Variants in AGTPBP1 observed in about 807,000 individuals in gnomAD.
AGTPBP1 encodes cytosolic carboxypeptidase 1.
In AGTPBP1, 70 loss-of-function variants were observed where a neutral mutation model predicts 143.9. The ratio of observed to expected loss-of-function variants is 0.49; its 90% CI spans 0.40 to 0.59. The LOEUF is 0.59. Among genes scored for constraint, AGTPBP1 ranks in the 20% least tolerant of loss-of-function variants. The probability of loss-of-function intolerance (pLI) is 0.00; values close to 1 mark genes in which losing one functional copy is unlikely to be tolerated. For synonymous variants in AGTPBP1, 463 were observed against 500.2 expected (o/e 0.93, Z 0.99); for missense variants, 1,229 against 1,464.5 (o/e 0.84, Z 2.62).
At chr9:85,625,946 G>A (rs1831263568) in intron 14 of AGTPBP1, among the ~76,000 whole-genome samples, 2 of 138,994 alleles carry the variant, frequency 1.4e-5, no homozygotes, top group Non-Finnish European at 3.1e-5. Context: ...AAAAACAATG[G>A]AAAGAAAATA....
At chr9:85,603,316 C>T (rs1275103636) in intron 17 of AGTPBP1, among the ~76,000 whole-genome samples, 1 of 152,136 alleles carries the variant, frequency 6.6e-6, no homozygotes, top group Non-Finnish European at 1.5e-5. Flanking sequence ...ACTTGGATAC[C>T]AACTCAGCCA....
upstream of AGTPBP1, among the ~76,000 whole-genome samples, chr9:85,742,210 C>T (rs978214262): frequency 2.0e-5 from 3 of 152,064 alleles, no homozygotes; most frequent in Non-Finnish European, 4.4e-5. Flanking sequence ...GCGGGTGTTC[C>T]GCGCGCTGCC....
At chr9:85,766,958 G>A in the AGTPBP1 span, among the ~76,000 whole-genome samples, 25 of 150,078 alleles carry the variant, frequency 1.7e-4, no homozygotes, top group South Asian at 4.2e-4. Context: ...ATTTTAGATC[G>A]TTACACTAAT....
chr9:85,746,663 G>T (rs182118258), upstream of AGTPBP1, among the ~76,000 whole-genome samples: 4 of 151,698 alleles, frequency 2.6e-5, no homozygotes, highest in African/African-American at 9.7e-5. Flanking sequence ...GAGAGAGAGA[G>T]AAGCAAAATT....
At chr9:85,725,406 G>A (rs1202471239) in intron 1 of AGTPBP1, among the ~76,000 whole-genome samples, 1 of 152,106 alleles carries the variant, frequency 6.6e-6, no homozygotes, top group African/African-American at 2.4e-5. Context: ...TAGCCATGTG[G>A]TAGTGCACAG....
chr9:85,672,526 A>C (rs777399520), intron 7 of AGTPBP1, 24 bp downstream of exon 7: 3 of 1,603,128 alleles, frequency 1.9e-6, no homozygotes, highest in Non-Finnish European at 2.5e-6. Context: ...CACTGAGTTA[A>C]CTAAAAGCCA....
At chr9:85,754,856 G>A in the AGTPBP1 span, among the ~76,000 whole-genome samples, 5 of 150,916 alleles carry the variant, frequency 3.3e-5, no homozygotes, top group South Asian at 2.1e-4. Context: ...TTTAAGTAGA[G>A]CTTAAAAAGA....
intron 14 of AGTPBP1, among the ~76,000 whole-genome samples, chr9:85,623,384 G>T (rs1397642043): frequency 6.6e-6 from 1 of 152,064 alleles, no homozygotes; most frequent in African/African-American, 2.4e-5. Context: ...TATTCTGGGG[G>T]ACATAATTGC....
intron 18 of AGTPBP1, among the ~76,000 whole-genome samples, chr9:85,594,262 T>C (rs1027810310): frequency 1.7e-4 from 26 of 152,170 alleles, no homozygotes; most frequent in African/African-American, 6.0e-4. Flanking sequence ...CAAACAAGCA[T>C]CATAGGACTT....
intron 17 of AGTPBP1, among the ~76,000 whole-genome samples, chr9:85,611,597 A>G (rs1830321739): frequency 6.6e-6 from 1 of 152,350 alleles, no homozygotes; most frequent in Admixed American, 6.5e-5. Context: ...AAGACTATTA[A>G]GTATTTTTAA....
rs546964504 is a variant in AGTPBP1 at position 85,546,693 on chromosome 9, C to G, written c.*416G>C. The G allele has an allele frequency of 4.6e-5, 7 of 153,356 alleles. No homozygotes were observed. Among genetic ancestry groups the G allele is most frequent in the African/African-American group, 1.7e-4 (7 of 41,606 alleles). The allele number at this position is 153,356 out of a possible 1,614,324, so 9.5% of individuals were successfully genotyped here. A position where few individuals can be genotyped will look rare whatever the true frequency, so the allele number is the denominator to read the frequency against. On this transcript the variant is annotated 3_prime_UTR_variant, in exon 26 of 26. Transcript: ENST00000357081. ...CAATATCTACCCACTTCTAAACAAA[C>G]ACATCTATAGAAATCCATGTACATA...
At chr9:85,774,459 GT>G in the AGTPBP1 span, among the ~76,000 whole-genome samples, 13 of 151,994 alleles carry the variant, frequency 8.6e-5, no homozygotes, top group Non-Finnish European at 7.4e-5. Context: ...TATATTTCTG[GT>G]TATAATTGTC....
At chr9:85,763,645 G>C in the AGTPBP1 span, among the ~76,000 whole-genome samples, 1 of 151,954 alleles carries the variant, frequency 6.6e-6, no homozygotes, top group Non-Finnish European at 1.5e-5. Flanking sequence ...ATGGGAAGTA[G>C]AGTAGGTATA....
intron 1 of AGTPBP1, among the ~76,000 whole-genome samples, chr9:85,737,215 C>CT (rs1170896788): frequency 6.6e-6 from 1 of 152,200 alleles, no homozygotes; most frequent in African/African-American, 2.4e-5. Context: ...AAAATGGGAA[C>CT]TTTCCATGAA....
At chr9:85,718,499 C>T (rs1587970090) in intron 1 of AGTPBP1, among the ~76,000 whole-genome samples, 3 of 152,226 alleles carry the variant, frequency 2.0e-5, no homozygotes, top group African/African-American at 4.8e-5. Flanking sequence ...ATCCTTTGCC[C>T]ACTTTTTGAT....
chr9:85,581,752 G>A (rs774259574), intron 23 of AGTPBP1, among the ~76,000 whole-genome samples: 26 of 152,184 alleles, frequency 1.7e-4, no homozygotes, highest in African/African-American at 3.9e-4. Flanking sequence ...ATGCTATGAC[G>A]TTCACCTTAT....
At chr9:85,592,313 A>C in intron 19 of AGTPBP1, among the ~76,000 whole-genome samples, 1 of 152,058 alleles carries the variant, frequency 6.6e-6, no homozygotes, top group East Asian at 1.9e-4. Flanking sequence ...ACTCCTCAAG[A>C]AATACTGTAG....
At chr9:85,774,522 A>G in the AGTPBP1 span, among the ~76,000 whole-genome samples, 1 of 152,346 alleles carries the variant, frequency 6.6e-6, no homozygotes, top group South Asian at 2.1e-4. Flanking sequence ...TCAAAATTAT[A>G]CTGCCATTGA....
intron 18 of AGTPBP1, among the ~76,000 whole-genome samples, chr9:85,595,472 G>T (rs1829237278): frequency 3.3e-5 from 5 of 152,152 alleles, no homozygotes; most frequent in Admixed American, 3.3e-4. Context: ...TGGAGCTGAA[G>T]AATAATCAAA....
Sources: allele counts gnomAD v4.1 joint callset (sites outside exome capture counted in the v4.1 genomes callset), GRCh38; gene constraint gnomAD v4.1.1; transcripts MANE v1.5; gene names NCBI Gene and HGNC (gene_info 2026-07-23, HGNC 2026-07-21).